DNM3: variants seen among roughly 807,000 people sequenced by gnomAD.
The protein encoded by DNM3 is dynamin 3, also known as dynamin-3.
In DNM3, 47 loss-of-function variants were observed where a neutral mutation model predicts 101.6. The observed-to-expected ratio is 0.46, with a 90% CI of 0.37 to 0.59. The LOEUF (loss-of-function observed/expected upper bound fraction) is 0.59. DNM3 is among the 20% of genes least tolerant of loss of function. DNM3 has a pLI of 0.00. For missense variants in DNM3, 849 were observed against 1,085.7 expected (o/e 0.78, Z 3.06); for synonymous variants, 385 against 387.9 (o/e 0.99, Z 0.09).
chr1:172,007,903 A>G (rs1482986114), intron 4 of DNM3, among the ~76,000 whole-genome samples: 1 of 152,052 alleles, frequency 6.6e-6, no homozygotes, highest in Non-Finnish European at 1.5e-5. Flanking sequence ...GTAGCTGGCC[A>G]GGTGCATGCC....
chr1:172,077,310 G>T (rs1329012263), intron 11 of DNM3, among the ~76,000 whole-genome samples: 2 of 151,830 alleles, frequency 1.3e-5, no homozygotes, highest in Non-Finnish European at 2.9e-5. Context: ...TCGTGTCTCT[G>T]TCTCCTTCAG....
rs533221582 is a variant in DNM3, at chr1:172,206,155, C to T, written c.1660-47418C>T. On this transcript the variant is annotated intron_variant, in intron 14 of 20. Transcript: ENST00000627582. ...TGACAGATACAAGTTTTGCAAAATT[C>T]GAATTTTTACTTACAGGCTGTAATT... is the stretch of plus-strand genomic sequence containing the variant. Among the ~76,000 whole-genome samples the T allele has an allele frequency of 4.6e-5, 7 of 152,126 alleles. No homozygotes were observed. In the East Asian group the frequency reaches 1.2e-3, roughly 25 times the overall value.
chr1:171,868,885 G>A (rs1044049758), intron 1 of DNM3, among the ~76,000 whole-genome samples: 2 of 152,096 alleles, frequency 1.3e-5, no homozygotes, highest in Non-Finnish European at 2.9e-5. Flanking sequence ...CCGGGTTCAA[G>A]CGATTCTCCT....
chr1:172,402,247 T>C (rs1413264193), intron 20 of DNM3, among the ~76,000 whole-genome samples: 4 of 152,104 alleles, frequency 2.6e-5, no homozygotes, highest in Admixed American at 6.5e-5. Context: ...CCTGAAAACA[T>C]AGAAAATGGT....
At chr1:172,381,242 T>A (rs887404365) in intron 18 of DNM3, among the ~76,000 whole-genome samples, 3 of 151,968 alleles carry the variant, frequency 2.0e-5, no homozygotes, top group Non-Finnish European at 4.4e-5. Flanking sequence ...AGACCTCACA[T>A]AAGAGTCGTG....
At chr1:171,882,360 C>T (rs2036348428) in intron 1 of DNM3, among the ~76,000 whole-genome samples, 1 of 100,188 alleles carries the variant, frequency 1.0e-5, no homozygotes, top group Admixed American at 9.3e-5. Context: ...AAAAAAAAAG[C>T]CCTTTTGCAT....
intron 1 of DNM3, among the ~76,000 whole-genome samples, chr1:171,872,542 T>G (rs1314579437): frequency 6.6e-6 from 1 of 152,186 alleles, no homozygotes; most frequent in Non-Finnish European, 1.5e-5. Flanking sequence ...TTGTTTATTC[T>G]TTTTGTATTA....
chr1:171,858,087 C>G (rs2033800746), intron 1 of DNM3, among the ~76,000 whole-genome samples: 1 of 152,078 alleles, frequency 6.6e-6, no homozygotes, highest in Non-Finnish European at 1.5e-5. Flanking sequence ...TTAAGTGACC[C>G]AGCATGTGGT....
chr1:172,013,286 T>C lies in DNM3; in HGVS notation c.590-19116T>C, dbSNP rs79966827. Among the ~76,000 whole-genome samples, 911 of 152,162 alleles carry C rather than the reference T, an allele frequency of 6.0e-3. 5 individuals are homozygous for C. Among genetic ancestry groups the C allele is most frequent in the African/African-American group, 0.021 (861 of 41,528 alleles). On this transcript the variant is annotated intron_variant, in intron 4 of 20. Transcript: ENST00000627582. ...AATGGGAGAAATGTCAGTGTTTTTA[T>C]AGGAAAATCACCGTGCTGACAACAA...
intron 1 of DNM3, among the ~76,000 whole-genome samples, chr1:171,849,220 G>T (rs1425507088): frequency 1.3e-5 from 2 of 152,168 alleles, no homozygotes; most frequent in Non-Finnish European, 2.9e-5. Flanking sequence ...TCACAGCATG[G>T]TGATGGAGTG....
At chr1:172,035,447 G>A (rs1195165596) in intron 6 of DNM3, among the ~76,000 whole-genome samples, 1 of 152,178 alleles carries the variant, frequency 6.6e-6, no homozygotes, top group South Asian at 2.1e-4. Flanking sequence ...AGAGGCCTTG[G>A]ACCCAGATTT....
intron 17 of DNM3, among the ~76,000 whole-genome samples, chr1:172,335,597 A>G (rs1266262667): frequency 1.3e-5 from 2 of 152,178 alleles, no homozygotes; most frequent in Admixed American, 1.3e-4. Flanking sequence ...ATGCCATGGA[A>G]TACCATGTGG....
chr1:171,898,739 G>C (rs1029995913), intron 1 of DNM3, among the ~76,000 whole-genome samples: 1 of 150,562 alleles, frequency 6.6e-6, no homozygotes, highest in Non-Finnish European at 1.5e-5. Flanking sequence ...TGTACATTTG[G>C]GCTTGTTAGC....
At chr1:172,147,107 T>C (rs1227912375) in intron 14 of DNM3, among the ~76,000 whole-genome samples, 1 of 152,140 alleles carries the variant, frequency 6.6e-6, no homozygotes, top group Non-Finnish European at 1.5e-5. Flanking sequence ...TGCCTCCAAA[T>C]AGTTCAACGA....
At chr1:172,391,325 C>T (rs1044992490) in intron 20 of DNM3, among the ~76,000 whole-genome samples, 6 of 150,776 alleles carry the variant, frequency 4.0e-5, no homozygotes, top group Non-Finnish European at 7.4e-5. Flanking sequence ...AGGGAAATCC[C>T]GGGGAAGGGG....
At chr1:171,863,182 G>T (rs1319121619) in intron 1 of DNM3, among the ~76,000 whole-genome samples, 2 of 152,076 alleles carry the variant, frequency 1.3e-5, no homozygotes, top group Non-Finnish European at 2.9e-5. Flanking sequence ...CCCAGAAGAA[G>T]ATATAGATGA....
intron 4 of DNM3, among the ~76,000 whole-genome samples, chr1:172,025,227 C>T (rs1038458353): frequency 4.6e-5 from 7 of 152,218 alleles, no homozygotes; most frequent in African/African-American, 1.4e-4. Context: ...TCAGCAAAGC[C>T]GCTGTAGCCG....
chr1:171,993,940 TA>T (rs535776048), intron 4 of DNM3, among the ~76,000 whole-genome samples: 218 of 151,864 alleles, frequency 1.4e-3, no homozygotes, highest in Non-Finnish European at 2.7e-3. Context: ...TTGGTTCTTT[TA>T]AAAAAAAATT....
At chr1:172,283,986 T>C (rs1482813427) in intron 15 of DNM3, among the ~76,000 whole-genome samples, 1 of 152,138 alleles carries the variant, frequency 6.6e-6, no homozygotes, top group Non-Finnish European at 1.5e-5. Context: ...TAGGTTTTGT[T>C]CTGTGTTGCT....
Sources: allele counts gnomAD v4.1 joint callset (sites outside exome capture counted in the v4.1 genomes callset), GRCh38; gene constraint gnomAD v4.1.1; transcripts MANE v1.5; gene names NCBI Gene and HGNC (gene_info 2026-07-23, HGNC 2026-07-21).